Variants in SGCZ observed in about 807,000 individuals in gnomAD.
SGCZ encodes the protein sarcoglycan zeta.
SGCZ carries 40 observed loss-of-function variants against 41.3 expected under a neutral mutation model. That is an observed-to-expected ratio of 0.97 (90% CI 0.75 to 1.26). The LOEUF (loss-of-function observed/expected upper bound fraction) is 1.26, where lower values mean the gene tolerates loss of function less well. Among genes scored for constraint, SGCZ ranks in the 50% most tolerant of loss-of-function variants. The pLI, the probability that SGCZ is intolerant of heterozygous loss-of-function variation, is 0.00. For missense variants in SGCZ, 552 were observed against 369.8 expected, an observed-to-expected ratio of 1.49 and a Z score of -4.04; for synonymous variants, 206 against 137.5, an observed-to-expected ratio of 1.50 and a Z score of -3.49.
At chr8:14,517,015 A>G (rs1249817922) in intron 2 of SGCZ, among the ~76,000 whole-genome samples, 1 of 152,040 alleles carries the variant, frequency 6.6e-6, no homozygotes, top group Non-Finnish European at 1.5e-5. Context: ...GGAAGTCAAG[A>G]GGTTGTAGTG....
At chr8:14,188,777 C>A (rs948720903) in intron 4 of SGCZ, among the ~76,000 whole-genome samples, 2 of 151,568 alleles carry the variant, frequency 1.3e-5, no homozygotes, top group Non-Finnish European at 2.9e-5. Flanking sequence ...AATAATAATC[C>A]CACTTTTTCC....
chr8:15,176,490 G>A (rs1024456436), intron 1 of SGCZ, among the ~76,000 whole-genome samples: 6 of 152,074 alleles, frequency 3.9e-5, no homozygotes, highest in Non-Finnish European at 7.3e-5. Context: ...AATATACCAA[G>A]CGGTTTTCCA....
chr8:14,638,268 C>T (rs1806902337), intron 1 of SGCZ, among the ~76,000 whole-genome samples: 1 of 151,828 alleles, frequency 6.6e-6, no homozygotes, highest in Non-Finnish European at 1.5e-5. Context: ...TACTCCGTTG[C>T]TTCATCAGTC....
chr8:14,687,800 C>T (rs1292948908), intron 1 of SGCZ, among the ~76,000 whole-genome samples: 1 of 152,152 alleles, frequency 6.6e-6, no homozygotes, highest in East Asian at 1.9e-4. Context: ...AACTAGTTTA[C>T]AGTCCCACCA....
chr8:15,084,649 G>T (rs963661871), intron 1 of SGCZ, among the ~76,000 whole-genome samples: 3 of 152,134 alleles, frequency 2.0e-5, no homozygotes, highest in Non-Finnish European at 4.4e-5. Flanking sequence ...CTACTCGGAA[G>T]GTTGAGGCAG....
At chr8:15,134,225 G>C (rs1165245108) in intron 1 of SGCZ, among the ~76,000 whole-genome samples, 1 of 151,288 alleles carries the variant, frequency 6.6e-6, no homozygotes, top group Admixed American at 6.6e-5. Flanking sequence ...AGCTGGAAAA[G>C]GTTAACTTTC....
At chr8:14,202,277 G>C (rs914379062) in intron 4 of SGCZ, among the ~76,000 whole-genome samples, 1 of 152,146 alleles carries the variant, frequency 6.6e-6, no homozygotes, top group African/African-American at 2.4e-5. Context: ...CTATAAACTG[G>C]AAAGGGCAAA....
intron 1 of SGCZ, among the ~76,000 whole-genome samples, chr8:15,161,653 T>A (rs1799515873): frequency 6.6e-6 from 1 of 152,192 alleles, no homozygotes; most frequent in South Asian, 2.1e-4. Flanking sequence ...TTGTAAAAAG[T>A]AGAAACCAAA....
At chr8:14,271,711 T>C (rs1490822250) in intron 3 of SGCZ, among the ~76,000 whole-genome samples, 2 of 152,228 alleles carry the variant, frequency 1.3e-5, no homozygotes, top group African/African-American at 4.8e-5. Context: ...TTTTATATCC[T>C]GACTTGCTCT....
intron 1 of SGCZ, among the ~76,000 whole-genome samples, chr8:15,133,672 TA>T (rs1808000501): frequency 6.6e-6 from 1 of 152,174 alleles, no homozygotes. Context: ...TACTTATGAA[TA>T]ATGCCCATGT....
chr8:14,388,549 A>T (rs1314177713), intron 2 of SGCZ, among the ~76,000 whole-genome samples: 1 of 152,082 alleles, frequency 6.6e-6, no homozygotes, highest in Non-Finnish European at 1.5e-5. Context: ...CTCAGCAACG[A>T]ATGAGTAAAA....
chr8:14,994,555 G>C (rs1281750265), intron 1 of SGCZ, among the ~76,000 whole-genome samples: 1 of 150,836 alleles, frequency 6.6e-6, no homozygotes, highest in Non-Finnish European at 1.5e-5. Context: ...CTGCACTCCA[G>C]CCTAGGCAAC....
At chr8:14,598,408 T>C (rs1805482455) in intron 1 of SGCZ, among the ~76,000 whole-genome samples, 1 of 152,210 alleles carries the variant, frequency 6.6e-6, no homozygotes, top group South Asian at 2.1e-4. Flanking sequence ...CTTCTAATTT[T>C]ATGTCTTTAT....
At chr8:14,141,657 C>CG (rs1282208930) in intron 5 of SGCZ, among the ~76,000 whole-genome samples, 38 of 152,224 alleles carry the variant, frequency 2.5e-4, no homozygotes, top group African/African-American at 8.9e-4. Flanking sequence ...ATTAAAAAGT[C>CG]GGGAAACAAC....
At chr8:14,419,605 G>T (rs1799585872) in intron 2 of SGCZ, among the ~76,000 whole-genome samples, 1 of 151,818 alleles carries the variant, frequency 6.6e-6, no homozygotes, top group Non-Finnish European at 1.5e-5. Context: ...TACAAAAAAG[G>T]CCTATTTTAA....
intron 4 of SGCZ, among the ~76,000 whole-genome samples, chr8:14,217,752 C>A (rs1406816421): frequency 3.3e-5 from 5 of 150,804 alleles, no homozygotes; most frequent in African/African-American, 1.2e-4. Context: ...GCCTCAGCCT[C>A]CAAAGTAGCT....
intron 5 of SGCZ, among the ~76,000 whole-genome samples, chr8:14,131,634 A>ATGTT (rs1293078469): frequency 6.6e-6 from 1 of 152,072 alleles, no homozygotes; most frequent in Non-Finnish European, 1.5e-5. Context: ...ATCCTACATC[A>ATGTT]TGTTTGTTAA....
At chr8:14,594,536 A>AT (rs1563139677) in intron 1 of SGCZ, among the ~76,000 whole-genome samples, 1 of 152,086 alleles carries the variant, frequency 6.6e-6, no homozygotes, top group Admixed American at 6.5e-5. Flanking sequence ...CTATAAAGCC[A>AT]TATAAAAGCA....
At chr8:15,082,096 G>A (rs1045461957) in intron 1 of SGCZ, among the ~76,000 whole-genome samples, 20 of 152,070 alleles carry the variant, frequency 1.3e-4, no homozygotes, top group South Asian at 2.1e-4. Flanking sequence ...GGGCATGATC[G>A]CGGCCACCTG....
Sources: gnomAD v4.1 joint callset for allele counts (sites outside exome capture counted in the v4.1 genomes callset) on GRCh38, gnomAD v4.1.1 for gene constraint, MANE v1.5 for transcripts, NCBI Gene and HGNC (gene_info 2026-07-23, HGNC 2026-07-21) for gene names.